ACBD6: variants seen among roughly 807,000 people sequenced by gnomAD.
ACBD6 encodes the protein acyl-CoA-binding domain-containing protein 6.
A neutral mutation model predicts 37.2 loss-of-function variants in ACBD6; 28 were observed. That is an observed-to-expected ratio of 0.75 (90% confidence interval 0.56 to 1.03). The LOEUF is 1.03. ACBD6 is among the 50% of genes least tolerant of loss of function. ACBD6 has a pLI of 0.00. For synonymous variants in ACBD6, 113 were observed against 126.8 expected (o/e 0.89, Z 0.73); for missense variants, 340 against 337.4 (o/e 1.01, Z -0.06).
At chr1:180,391,191 A>C (rs1474742449) in intron 6 of ACBD6, among the ~76,000 whole-genome samples, 1 of 152,144 alleles carries the variant, frequency 6.6e-6, no homozygotes, top group Non-Finnish European at 1.5e-5. Flanking sequence ...ATAATCAAAG[A>C]CTTCAATGTA....
intron 3 of ACBD6, among the ~76,000 whole-genome samples, chr1:180,453,200 T>C (rs538866989): frequency 6.6e-6 from 1 of 152,252 alleles, no homozygotes; most frequent in East Asian, 1.9e-4. Flanking sequence ...CAGCAGCACA[T>C]CAAAAAGCTT....
rs1647937864 is a variant in ACBD6, at chr1:180,413,348, A to AG, written c.573+17dup. The AG allele has an allele frequency of 1.0e-5, 16 of 1,591,812 alleles. No homozygotes were observed. The highest frequency in any genetic ancestry group is 1.4e-5 in the Non-Finnish European group (16 of 1,160,204). The stretch of plus-strand genomic sequence containing the variant: ...AACCATGCATAGGAAAATAATTAAC[A>AG]GGGCATGTTTTTCATACCTCTTCAT... On this transcript the variant is annotated intron_variant, in intron 5 of 7. Transcript: ENST00000367595.
chr1:180,372,622 T>C lies in ACBD6; in HGVS notation c.663+24894A>G, dbSNP rs377345181. On this transcript the variant is annotated intron_variant, in intron 6 of 7. Transcript: ENST00000367595. The stretch of plus-strand genomic sequence containing the variant: ...TCAACGTCGCAAATCCTTTGGATTT[T>C]ACCGGCAATGTGAGAGAAGCTCCTC... 2.2e-4 allele frequency among the ~76,000 whole-genome samples: 33 copies of C among 152,312 alleles called. No individual in the cohort carries two copies. In the East Asian group the frequency reaches 4.8e-3, roughly 22 times the overall value.
chr1:180,405,047 A>G (rs930056384), intron 5 of ACBD6, among the ~76,000 whole-genome samples: 1 of 152,210 alleles, frequency 6.6e-6, no homozygotes, highest in Admixed American at 6.5e-5. Context: ...GTTCCTTCAA[A>G]TTAACATCTT....
chr1:180,432,981 T>G (rs924407255), intron 3 of ACBD6, among the ~76,000 whole-genome samples: 1 of 151,818 alleles, frequency 6.6e-6, no homozygotes, highest in African/African-American at 2.4e-5. Flanking sequence ...TATCAAATAT[T>G]TAAAGAAGAA....
rs1648699375 is a variant in ACBD6, at chr1:180,428,775, A to C, written c.467+1405T>G. Reference sequence around the variant, plus strand: ...AGTGACTGATATTGTTAGAAACTTAAGCTTAGTAATTTTTTTAAAAGGAAA... The same window carrying C: ...AGTGACTGATATTGTTAGAAACTTACGCTTAGTAATTTTTTTAAAAGGAAA... On this transcript the variant is annotated intron_variant, in intron 4 of 7. Coordinates refer to ENST00000367595, the MANE Select transcript of ACBD6 (RefSeq NM_032360.4). Among the ~76,000 whole-genome samples the C allele has an allele frequency of 2.6e-5, 4 of 152,382 alleles. No homozygotes were observed. In the South Asian group the frequency reaches 8.3e-4, roughly 32 times the overall value.
intron 3 of ACBD6, among the ~76,000 whole-genome samples, chr1:180,449,936 T>C (rs1264976602): frequency 7.3e-6 from 1 of 136,744 alleles, no homozygotes; most frequent in Non-Finnish European, 1.6e-5. Flanking sequence ...AAAAAAAGCA[T>C]GCTAATCTAA....
rs547179001 is a variant in ACBD6, at chr1:180,410,347, G to A, written c.573+3019C>T. Among the ~76,000 whole-genome samples the A allele has an allele frequency of 3.3e-5, 5 of 152,314 alleles. No individual in the cohort carries two copies. The South Asian group carries it at 8.3e-4, about 25-fold the overall frequency. On this transcript the variant is annotated intron_variant, in intron 5 of 7. Coordinates refer to ENST00000367595, the MANE Select transcript of ACBD6 (RefSeq NM_032360.4). Reference sequence around the variant, plus strand: ...ACTCAACAACGATCCTCAATGTAGAGAAAATAGACTACTCCTACTATTGAA... The same window carrying A: ...ACTCAACAACGATCCTCAATGTAGAAAAAATAGACTACTCCTACTATTGAA...
intron 6 of ACBD6, among the ~76,000 whole-genome samples, chr1:180,382,398 A>G (rs114850131): frequency 0.02 from 3,006 of 152,184 alleles, 100 homozygotes; most frequent in African/African-American, 0.067. Flanking sequence ...TAGAAATACA[A>G]AGGATCAACA....
intron 6 of ACBD6, among the ~76,000 whole-genome samples, chr1:180,389,207 C>T (rs141391350): frequency 0.02 from 3,023 of 152,164 alleles, 101 homozygotes; most frequent in African/African-American, 0.067. Context: ...TGTGTCCATG[C>T]GTTCTCATTG....
intron 6 of ACBD6, among the ~76,000 whole-genome samples, chr1:180,356,842 C>T (rs1483855363): frequency 2.2e-5 from 2 of 89,198 alleles, no homozygotes; most frequent in African/African-American, 7.4e-5. Flanking sequence ...CAGAGCCAGA[C>T]CTTGTCTCAA....
chr1:180,313,329 A>G lies in ACBD6; in HGVS notation c.694+1363T>C, dbSNP rs150625364. On this transcript the variant is annotated intron_variant, in intron 7 of 7. Transcript: ENST00000367595. Reference sequence around the variant, plus strand: ...GTTGGTGACAGACATTTCAACCTCAATTATTAGGCTGACATATGTAGGTAG... The same window carrying G: ...GTTGGTGACAGACATTTCAACCTCAGTTATTAGGCTGACATATGTAGGTAG... Among the ~76,000 whole-genome samples, 37 of 152,324 alleles carry G rather than the reference A, an allele frequency of 2.4e-4. No individual in the cohort carries two copies. The East Asian group carries it at 5.0e-3, about 21-fold the overall frequency.
chr1:180,315,802 G>A (rs1558246052), intron 6 of ACBD6, among the ~76,000 whole-genome samples: 1 of 152,054 alleles, frequency 6.6e-6, no homozygotes, highest in Non-Finnish European at 1.5e-5. Flanking sequence ...TTCCTACTGT[G>A]GAATGAAGGT....
At chr1:180,345,644 A>G (rs908177546) in intron 6 of ACBD6, among the ~76,000 whole-genome samples, 1 of 152,214 alleles carries the variant, frequency 6.6e-6, no homozygotes, top group African/African-American at 2.4e-5. Context: ...ATTATTACGC[A>G]GCAATTTCAA....
intron 3 of ACBD6, among the ~76,000 whole-genome samples, chr1:180,455,183 T>C (rs1203551738): frequency 6.6e-6 from 1 of 152,044 alleles, no homozygotes; most frequent in South Asian, 2.1e-4. Context: ...TGGAATATTA[T>C]GCAGCCATAA....
chr1:180,482,619 G>T (rs182095737), intron 3 of ACBD6, among the ~76,000 whole-genome samples: 20 of 152,082 alleles, frequency 1.3e-4, no homozygotes, highest in African/African-American at 3.9e-4. Flanking sequence ...GTTGAACTTT[G>T]CTCCCTCTGG....
chr1:180,498,570 G>T lies in ACBD6; in HGVS notation c.223-3045C>A, dbSNP rs528948490. Among the ~76,000 whole-genome samples the T allele has an allele frequency of 3.3e-5, 5 of 152,110 alleles. 1 individual carries two copies. The South Asian group carries it at 1.0e-3, about 31-fold the overall frequency. ...TCAAGGGTTAATATTTAATAAAGTAGTATTAAGGCACGGTGGCTCATGCCT... is the reference window on the plus strand; with the variant it reads ...TCAAGGGTTAATATTTAATAAAGTATTATTAAGGCACGGTGGCTCATGCCT... On this transcript the variant is annotated intron_variant, in intron 1 of 7. Transcript: ENST00000367595.
intron 9 of ACBD6, chr1:180,279,047 T>TA (rs1649217558): frequency 2.6e-5 from 4 of 152,110 alleles, no homozygotes; most frequent in Admixed American, 2.6e-4. Context: ...ATAAATAGAA[T>TA]AAAAACTGAG....
intron 3 of ACBD6, among the ~76,000 whole-genome samples, chr1:180,473,463 A>AC (rs1650651677): frequency 6.6e-6 from 1 of 151,930 alleles, no homozygotes. Context: ...AAAAAAAAAA[A>AC]AACTTTTACA....
Sources: allele counts gnomAD v4.1 joint callset (sites outside exome capture counted in the v4.1 genomes callset), GRCh38; gene constraint gnomAD v4.1.1; transcripts MANE v1.5; gene names NCBI Gene and HGNC (gene_info 2026-07-23, HGNC 2026-07-21).